OTOA: variants seen among roughly 807,000 people sequenced by gnomAD.
The protein encoded by OTOA is cancer/testis antigen 108.
Under a neutral mutation model 110.8 loss-of-function variants are expected in OTOA, and 70 were observed. The ratio of observed to expected loss-of-function variants is 0.63; its 90% confidence interval spans 0.52 to 0.77. OTOA has a LOEUF of 0.77. Among genes scored for constraint, OTOA ranks in the 30% least tolerant of loss-of-function variants. OTOA has a pLI of 0.00. For synonymous variants in OTOA, 373 were observed against 431.5 expected (o/e 0.86, Z 1.68); for missense variants, 917 against 1,075.8 (o/e 0.85, Z 2.06).
At position 21,678,912 on chromosome 16, in the gene OTOA, C is replaced by T; in HGVS notation, c.92-3C>T. The T allele has an allele frequency of 1.2e-6, 2 of 1,613,142 alleles. No homozygotes were observed. Among genetic ancestry groups the T allele is most frequent in the Non-Finnish European group, 1.7e-6 (2 of 1,179,842 alleles). On this transcript the variant is annotated splice_region_variant and splice_polypyrimidine_tract_variant and intron_variant, in intron 2 of 28. Transcript: ENST00000646100. The stretch of plus-strand genomic sequence containing the variant: ...AGTTATACATTCAATGGCTTTCTTA[C>T]AGATTTGCATCCATTGTTGCAAAAC...
intron 1 of OTOA, among the ~76,000 whole-genome samples, chr16:21,676,603 A>G (rs538686336): frequency 1.7e-4 from 26 of 152,306 alleles, no homozygotes; most frequent in African/African-American, 6.3e-4. Context: ...CTGGTGGTTC[A>G]TTCTCCAGCC....
At position 21,722,977 on chromosome 16, in the gene OTOA, C is replaced by T. The variant is rs587777133; in HGVS notation, c.1879C>T (p.Pro627Ser). The change falls in exon 18 of 29, where the codon CCG becomes TCG. Residue 627 changes from proline (P) to serine (S), a missense_variant and splice_region_variant. Coordinates refer to ENST00000646100, the MANE Select transcript of OTOA (RefSeq NM_144672.4). Reference protein sequence around the residue: ...SMPPFLLAALPARYLASVPAS... With the variant: ...SMPPFLLAALSARYLASVPAS... The stretch of plus-strand genomic sequence containing the variant: ...GCCACCTTTCCTCTTGGCTGCACTC[C>T]CGTAAGTGAACATCAGCCCCCACCT... 1.2e-5 allele frequency: 19 copies of T among 1,614,030 alleles called. No homozygotes were observed. The South Asian group carries it at 1.8e-4, about 15-fold the overall frequency.
At chr16:21,733,279 C>T (rs1305340106) in intron 21 of OTOA, among the ~76,000 whole-genome samples, 8 of 138,478 alleles carry the variant, frequency 5.8e-5, no homozygotes, top group African/African-American at 7.9e-5. Context: ...CCATTCACTC[C>T]GCTATGCATA....
At chr16:21,726,720 C>A in intron 19 of OTOA, 62 bp downstream of exon 19, 1 of 1,603,528 alleles carries the variant, frequency 6.2e-7, no homozygotes, top group Non-Finnish European at 8.5e-7. Flanking sequence ...TTGGGGAGCC[C>A]TGTGAGGGAT....
At chr16:21,707,355 A>G (rs1391757863) in intron 12 of OTOA, among the ~76,000 whole-genome samples, 1 of 151,992 alleles carries the variant, frequency 6.6e-6, no homozygotes. Flanking sequence ...CTCAAACTGG[A>G]GGGTGCATCT....
chr16:21,749,035 A>C (rs1334178747), intron 24 of OTOA: 13 of 143,174 alleles, frequency 9.1e-5, no homozygotes, highest in Non-Finnish European at 1.8e-4. Flanking sequence ...TCATGGGAAT[A>C]GTGGGAAGAA....
intron 19 of OTOA, among the ~76,000 whole-genome samples, 168 bp downstream of exon 19, chr16:21,726,826 T>C (rs781641161): frequency 2.0e-5 from 3 of 151,966 alleles, no homozygotes; most frequent in Non-Finnish European, 4.4e-5. Context: ...ATCTTTTCCA[T>C]TGGTTCTGGA....
chr16:21,700,607 CCCAGCTACT>C (rs1050284169), intron 10 of OTOA, among the ~76,000 whole-genome samples: 14 of 151,906 alleles, frequency 9.2e-5, no homozygotes, highest in African/African-American at 3.1e-4. Context: ...CACCTGTAGT[CCCAGCTACT>C]CCGGAGGCTG....
chr16:21,701,245 T>A (rs1476768769), intron 11 of OTOA, among the ~76,000 whole-genome samples: 1 of 152,136 alleles, frequency 6.6e-6, no homozygotes, highest in African/African-American at 2.4e-5. Context: ...TTTCTGAGCA[T>A]CTCCTGTGTG....
At position 21,679,035 on chromosome 16, in the gene OTOA, G is replaced by A; in HGVS notation, c.121-1G>A. 6.2e-7 allele frequency: 1 copy of A among 1,613,986 alleles called. No homozygotes were observed. Among genetic ancestry groups the A allele is most frequent in the Non-Finnish European group, 8.5e-7 (1 of 1,179,970 alleles). On this transcript the variant is annotated splice_acceptor_variant, in intron 3 of 28. Transcript: ENST00000646100. LOFTEE classifies it high-confidence loss of function. ...CTTGATGTTATCTCTTTGCCTTTTA[G>A]GAAGAAATAATAGATGGAAGCTATC...
intron 1 of OTOA, among the ~76,000 whole-genome samples, chr16:21,672,286 TC>T (rs1274750972): frequency 6.6e-6 from 1 of 152,144 alleles, no homozygotes; most frequent in Non-Finnish European, 1.5e-5. Context: ...ATGGGTTTTT[TC>T]CCTTTGGGTG....
intron 11 of OTOA, among the ~76,000 whole-genome samples, chr16:21,703,641 G>C (rs1237251984): frequency 6.6e-6 from 1 of 152,144 alleles, no homozygotes; most frequent in African/African-American, 2.4e-5. Flanking sequence ...TCGAAGTTAA[G>C]CAGATCTCTT....
intron 9 of OTOA, among the ~76,000 whole-genome samples, chr16:21,692,520 G>A (rs1034493264): frequency 7.9e-5 from 12 of 152,110 alleles, no homozygotes; most frequent in Admixed American, 7.9e-4. Context: ...TTAGAATGGT[G>A]GTACAGTTTC....
At chr16:21,694,635 G>C (rs973406335) in intron 9 of OTOA, among the ~76,000 whole-genome samples, 4 of 152,018 alleles carry the variant, frequency 2.6e-5, no homozygotes, top group African/African-American at 9.7e-5. Context: ...GTCACGTAAG[G>C]CTCTGGAGAA....
rs201793425 is a variant in OTOA at position 21,749,268 on chromosome 16, T to C, written c.2776-2667T>C. Among the ~76,000 whole-genome samples the C allele has an allele frequency of 2.2e-5, 3 of 137,476 alleles. No homozygotes were observed. In the East Asian group the frequency reaches 7.4e-4, roughly 34 times the overall value. The allele number at this position is 137,476 out of a possible 152,430, so 90.2% of individuals were successfully genotyped here. On this transcript the variant is annotated intron_variant, in intron 24 of 28. Transcript: ENST00000646100. ...GGGGTCGGGCATGGTGGCTCATGCC[T>C]GTGATCCCAGCACTTTGGGAGGCTG...
rs1386315730 is a variant in OTOA, at chr16:21,728,285, C to A, written c.2061C>A (p.Asn687Lys). ...AGTACACTGTGGACATCATGGGGAA[C>A]CTGCTGTGTCACTTGCCGGCAGCCA... is the stretch of plus-strand genomic sequence containing the variant. ...ADEYTVDIMG[N>K]LLCHLPAAII... is the part of the protein sequence containing the mutation. The change falls in exon 20 of 29, where the codon AAC becomes AAA. Residue 687 changes from asparagine to lysine, a missense_variant. Asn to Lys is a moderately conservative substitution (Grantham distance 94, BLOSUM62 0). Transcript: ENST00000646100. 6.2e-7 allele frequency: 1 copy of A among 1,614,154 alleles called. No individual in the cohort carries two copies. Among genetic ancestry groups the A allele is most frequent in the Non-Finnish European group, 8.5e-7 (1 of 1,180,024 alleles).
chr16:21,715,212 G>A (rs1898516164), intron 14 of OTOA, 60 bp downstream of exon 14: 2 of 1,608,984 alleles, frequency 1.2e-6, no homozygotes, highest in Non-Finnish European at 1.7e-6. Context: ...TTTGGGGTTG[G>A]TGAGTGGGCT....
chr16:21,677,551 G>T (rs558471292), intron 1 of OTOA, among the ~76,000 whole-genome samples: 1 of 142,866 alleles, frequency 7.0e-6, no homozygotes, highest in African/African-American at 2.7e-5. Flanking sequence ...GCGTGATCTC[G>T]GCTCACTGCA....
intron 1 of OTOA, among the ~76,000 whole-genome samples, chr16:21,674,270 A>C (rs1966853194): frequency 6.6e-6 from 1 of 152,132 alleles, no homozygotes; most frequent in African/African-American, 2.4e-5. Context: ...TGAGTGATCC[A>C]GTTTCTCCTC....
Sources: allele counts gnomAD v4.1 joint callset (sites outside exome capture counted in the v4.1 genomes callset), GRCh38; gene constraint gnomAD v4.1.1; transcripts MANE v1.5; gene names NCBI Gene and HGNC (gene_info 2026-07-23, HGNC 2026-07-21).